The following DHRSX variants were observed in gnomAD, a reference collection of about 807,000 sequenced individuals.
The protein encoded by DHRSX is polyprenol dehydrogenase.
Under a neutral mutation model 34.0 loss-of-function variants are expected in DHRSX, and 31 were observed. The observed-to-expected ratio is 0.91, with a 90% confidence interval of 0.69 to 1.23. DHRSX has a LOEUF of 1.23. Ranked by LOEUF, DHRSX falls within the 50% of genes most tolerant of loss-of-function variation. The pLI is 0.00. For missense variants in DHRSX, 414 were observed against 428.1 expected (o/e 0.97, Z 0.29); for synonymous variants, 201 against 183.8 (o/e 1.09, Z -0.76).
At chrX:2,376,576 C>A (rs1344944783) in intron 3 of DHRSX, among the ~76,000 whole-genome samples, 1 of 137,708 alleles carries the variant, frequency 7.3e-6, no homozygotes, top group African/African-American at 2.5e-5. Flanking sequence ...GATATCAGAT[C>A]TTTGCATACA....
intron 3 of DHRSX, among the ~76,000 whole-genome samples, chrX:2,397,687 G>A (rs1051611813): frequency 4.6e-5 from 7 of 151,692 alleles, no homozygotes; most frequent in Admixed American, 1.3e-4. Flanking sequence ...CTGTTAAATA[G>A]CGCGTAGAAT....
chrX:2,374,753 A>G lies in DHRSX; in HGVS notation c.286+33992T>C, dbSNP rs184135476. ...AGACTCCATCTCAAAAAAACCAAAA[A>G]ACAAAAAACGAAAAACAAAGTCTTC... is the stretch of plus-strand genomic sequence containing the variant. On this transcript the variant is annotated intron_variant, in intron 3 of 6. Coordinates refer to ENST00000334651, the MANE Select transcript of DHRSX (RefSeq NM_145177.3). Among the ~76,000 whole-genome samples the G allele has an allele frequency of 1.3e-3, 175 of 132,504 alleles. 38 individuals are homozygous for G. Among genetic ancestry groups the G allele is most frequent in the Admixed American group, 3.6e-3 (47 of 13,136 alleles). The allele number at this position is 132,504 out of a possible 152,430, so 86.9% of individuals were successfully genotyped here.
chrX:2,378,740 G>A (rs1010523559), intron 3 of DHRSX, among the ~76,000 whole-genome samples: 25 of 150,748 alleles, frequency 1.7e-4, no homozygotes, highest in Admixed American at 1.3e-3. Flanking sequence ...GTGCGATCTC[G>A]GCTCACTGCA....
intron 3 of DHRSX, among the ~76,000 whole-genome samples, chrX:2,335,232 C>T (rs891617178): frequency 3.3e-5 from 5 of 151,550 alleles, no homozygotes; most frequent in African/African-American, 1.2e-4. Context: ...TGAGGACGCA[C>T]CCATGACACA....
At chrX:2,252,074 C>G (rs2016446936) in intron 5 of DHRSX, among the ~76,000 whole-genome samples, 1 of 151,906 alleles carries the variant, frequency 6.6e-6, no homozygotes, top group Admixed American at 6.6e-5. Context: ...CCCGTCTCTA[C>G]TAAAAATACA....
At chrX:2,237,315 G>A (rs941431728) in intron 6 of DHRSX, among the ~76,000 whole-genome samples, 12 of 152,206 alleles carry the variant, frequency 7.9e-5, no homozygotes, top group Middle Eastern at 3.4e-3. Context: ...ACTGCATGGC[G>A]GATACAAATA....
chrX:2,461,151 G>C (rs2044397079), intron 1 of DHRSX, among the ~76,000 whole-genome samples: 1 of 152,128 alleles, frequency 6.6e-6, no homozygotes, highest in Admixed American at 6.5e-5. Flanking sequence ...TCCAGTTTTG[G>C]AAGCGATTTA....
intron 3 of DHRSX, among the ~76,000 whole-genome samples, chrX:2,379,607 T>TG (rs1221583597): frequency 1.5e-3 from 224 of 147,382 alleles, no homozygotes; most frequent in African/African-American, 4.6e-3. Context: ...TTTTTTTTTT[T>TG]TTTTTTTTTT....
chrX:2,478,301 A>G (rs1163994154), intron 1 of DHRSX, among the ~76,000 whole-genome samples: 3 of 152,178 alleles, frequency 2.0e-5, no homozygotes, highest in Non-Finnish European at 4.4e-5. Flanking sequence ...GGGATTCCAC[A>G]TGAGAGTCAC....
Position 2,345,510 on chromosome X carries a change from G to GGTGGTGTGTGCCTAT in DHRSX, c.287-53922_287-53908dup, listed in dbSNP as rs1185932019. On this transcript the variant is annotated intron_variant, in intron 3 of 6. Transcript: ENST00000334651. ...AAATAAAAATAAATTAGCTGGGCGT[G>GGTGGTGTGTGCCTAT]GTGGTGTGTGCCTATAATCACAACT... is the stretch of plus-strand genomic sequence containing the variant. Among the ~76,000 whole-genome samples the GGTGGTGTGTGCCTAT allele has an allele frequency of 5.3e-5, 8 of 151,888 alleles. No individual in the cohort carries two copies. The East Asian group carries it at 1.5e-3, about 29-fold the overall frequency.
intron 4 of DHRSX, among the ~76,000 whole-genome samples, chrX:2,285,703 G>T (rs1179221475): frequency 2.0e-5 from 3 of 152,132 alleles, no homozygotes; most frequent in African/African-American, 7.2e-5. Flanking sequence ...TACCACCACT[G>T]GAGTCCTTCC....
intron 6 of DHRSX, among the ~76,000 whole-genome samples, chrX:2,235,254 G>A (rs2124415472): frequency 6.6e-6 from 1 of 152,276 alleles, no homozygotes; most frequent in East Asian, 1.9e-4. Context: ...GACACAGAGG[G>A]TGGATTGACG....
chrX:2,399,931 C>T (rs1408423126), intron 3 of DHRSX, among the ~76,000 whole-genome samples: 2 of 151,498 alleles, frequency 1.3e-5, no homozygotes, highest in South Asian at 2.1e-4. Context: ...CCCAGCTACT[C>T]GGGAGGCTGG....
intron 1 of DHRSX, among the ~76,000 whole-genome samples, chrX:2,496,032 T>C (rs2045275941): frequency 1.3e-5 from 2 of 152,156 alleles, no homozygotes; most frequent in African/African-American, 4.8e-5. Context: ...ATGACAATCA[T>C]TTTTCTTTTA....
chrX:2,269,529 ATATG>A (rs1324237152), intron 4 of DHRSX, among the ~76,000 whole-genome samples: 1 of 151,954 alleles, frequency 6.6e-6, no homozygotes, highest in Non-Finnish European at 1.5e-5. Flanking sequence ...TGTGTATTTT[ATATG>A]TATGTATTTA....
Position 2,244,270 on chromosome X carries a change from G to A in DHRSX, c.597-1040C>T, listed in dbSNP as rs191624695. Among the ~76,000 whole-genome samples, 39 of 151,070 alleles carry A rather than the reference G, an allele frequency of 2.6e-4. 1 individual carries two copies. The highest frequency in any genetic ancestry group is 1.4e-3 in the Admixed American group (21 of 14,970). On this transcript the variant is annotated intron_variant, in intron 5 of 6. Coordinates refer to ENST00000334651, the MANE Select transcript of DHRSX (RefSeq NM_145177.3). The stretch of plus-strand genomic sequence containing the variant: ...ATCACAGGACATAGTGATAAAAATC[G>A]ATCCGATAACCGCGGTAAAGTGAGT...
At chrX:2,395,193 C>G (rs1398421025) in intron 3 of DHRSX, among the ~76,000 whole-genome samples, 3 of 152,114 alleles carry the variant, frequency 2.0e-5, no homozygotes, top group African/African-American at 7.2e-5. Flanking sequence ...TTCCTTGGAA[C>G]GAGTCTGTTC....
chrX:2,500,855 T>A lies in DHRSX; in HGVS notation c.71A>T (p.Gln24Leu). 7.8e-6 allele frequency: 9 copies of A among 1,148,560 alleles called. No individual in the cohort carries two copies. Among genetic ancestry groups the A allele is most frequent in the Non-Finnish European group, 9.7e-6 (9 of 930,536 alleles). The allele number at this position is 1,148,560 out of a possible 1,614,324, so 71.1% of individuals were successfully genotyped here. The change falls in exon 1 of 7, where the codon CAG (glutamine) becomes CTG (leucine). Residue 24 changes from glutamine to leucine, a missense_variant. Physicochemically the swap from Gln to Leu is moderately radical, Grantham distance 113. Transcript: ENST00000334651. ...YAVGAAVILA[Q>L]LLRRCRGGFL... is the part of the protein sequence containing the mutation. ...GCCCCCGCGGCAGCGCCGCAGCAGC[T>A]GCGCCAGGATCACCGCGGCGCCTAC...
intron 5 of DHRSX, among the ~76,000 whole-genome samples, chrX:2,262,289 A>G (rs749065279): frequency 1.1e-3 from 163 of 152,362 alleles, no homozygotes; most frequent in African/African-American, 3.8e-3. Flanking sequence ...GGGTGCTGTC[A>G]TGCATGGGTG....
Sources: gnomAD v4.1 joint callset for allele counts (sites outside exome capture counted in the v4.1 genomes callset) on GRCh38, gnomAD v4.1.1 for gene constraint, MANE v1.5 for transcripts, NCBI Gene and HGNC (gene_info 2026-07-23, HGNC 2026-07-21) for gene names.